Variants in SREBF2 observed in about 807,000 individuals in gnomAD.
The protein encoded by SREBF2 is sterol regulatory element-binding protein 2.
Under a neutral mutation model 113.1 loss-of-function variants are expected in SREBF2, and 55 were observed. The ratio of observed to expected loss-of-function variants is 0.49; its 90% CI spans 0.39 to 0.61. The LOEUF is 0.61. Among genes scored for constraint, SREBF2 ranks in the 20% least tolerant of loss-of-function variants. SREBF2 has a pLI of 0.00. For missense variants in SREBF2, 1,349 were observed against 1,487.4 expected (o/e 0.91, Z 1.53); for synonymous variants, 593 against 605.7 (o/e 0.98, Z 0.31).
intron 12 of SREBF2, among the ~76,000 whole-genome samples, 162 bp from the exon 13 acceptor site, chr22:41,894,658 C>G (rs2077395749): frequency 6.6e-6 from 1 of 152,202 alleles, no homozygotes; most frequent in Non-Finnish European, 1.5e-5. Flanking sequence ...ACACTCTCCC[C>G]CATCCTCCAA....
At chr22:41,899,153 G>C in intron 15 of SREBF2, 1 of 1,055,274 alleles carries the variant, frequency 9.5e-7, no homozygotes, top group Non-Finnish European at 1.2e-6. Flanking sequence ...AATCAGTGCA[G>C]AGAGGCCACT....
intron 11 of SREBF2, among the ~76,000 whole-genome samples, chr22:41,892,404 C>T (rs557651278): frequency 8.4e-4 from 128 of 152,280 alleles, no homozygotes; most frequent in African/African-American, 2.9e-3. Context: ...AATCCCAGCA[C>T]TTTGGGAGGC....
chr22:41,891,752 T>G (rs1421567560), intron 11 of SREBF2, among the ~76,000 whole-genome samples: 1 of 152,192 alleles, frequency 6.6e-6, no homozygotes, highest in Non-Finnish European at 1.5e-5. Context: ...CTGGGCTCCC[T>G]GGGCTTTCTA....
intron 17 of SREBF2, 169 bp from the exon 18 acceptor site, chr22:41,904,694 A>G: frequency 1.4e-6 from 1 of 718,378 alleles, no homozygotes; most frequent in Non-Finnish European, 2.6e-6. Flanking sequence ...TGCCTGGCTC[A>G]GGGTCAGAGT....
chr22:41,873,167 A>G (rs1308363172), intron 4 of SREBF2, among the ~76,000 whole-genome samples: 1 of 152,192 alleles, frequency 6.6e-6, no homozygotes, highest in Non-Finnish European at 1.5e-5. Flanking sequence ...ATTGCATTCC[A>G]GCCTGGGCAA....
At position 41,905,769 on chromosome 22, in the gene SREBF2, C is replaced by A; in HGVS notation, c.*109C>A. The A allele has an allele frequency of 7.8e-7, 1 of 1,284,658 alleles. No homozygotes were observed. Among genetic ancestry groups the A allele is most frequent in the Non-Finnish European group, 1.1e-6 (1 of 905,878 alleles). 79.6% of individuals were successfully genotyped at this position (1,284,658 alleles called of 1,614,324 possible). The stretch of plus-strand genomic sequence containing the variant: ...AGAGCCTTGTCTTCTTAGCTGTCAC[C>A]TGCCGAGGCTTCTGGGCCACTCAGG... On this transcript the variant is annotated 3_prime_UTR_variant, in exon 19 of 19. Coordinates refer to ENST00000361204, the MANE Select transcript of SREBF2 (RefSeq NM_004599.4).
chr22:41,895,465 C>T (rs1348167889), intron 13 of SREBF2, among the ~76,000 whole-genome samples: 5 of 101,810 alleles, frequency 4.9e-5, no homozygotes, highest in African/African-American at 8.0e-5. Flanking sequence ...GATGGAGTTT[C>T]GCTCTTGTTG....
At chr22:41,839,262 G>A (rs2076805995) in intron 1 of SREBF2, among the ~76,000 whole-genome samples, 1 of 152,146 alleles carries the variant, frequency 6.6e-6, no homozygotes, top group African/African-American at 2.4e-5. Flanking sequence ...GCTGAAATTG[G>A]GGTGCCTGGG....
At chr22:41,848,946 A>G (rs964462364) in intron 1 of SREBF2, among the ~76,000 whole-genome samples, 3 of 152,296 alleles carry the variant, frequency 2.0e-5, no homozygotes, top group African/African-American at 7.2e-5. Context: ...CAGTGTGTGA[A>G]AGTAGAAGTG....
chr22:41,846,873 A>G (rs917920938), intron 1 of SREBF2, among the ~76,000 whole-genome samples: 1 of 151,978 alleles, frequency 6.6e-6, no homozygotes, highest in African/African-American at 2.4e-5. Context: ...CCCTTGTCGC[A>G]GTTTATGGAG....
At position 41,833,266 on chromosome 22, in the gene SREBF2, G is replaced by T; in HGVS notation, c.-5G>T. The T allele has an allele frequency of 1.3e-6, 2 of 1,526,132 alleles. No individual in the cohort carries two copies. The highest frequency in any genetic ancestry group is 1.8e-6 in the Non-Finnish European group (2 of 1,136,850). The allele number at this position is 1,526,132 out of a possible 1,614,324, so 94.5% of individuals were successfully genotyped here. On this transcript the variant is annotated 5_prime_UTR_variant, in exon 1 of 19. Transcript: ENST00000361204. The surrounding 1 kb of genome is among the most constrained non-coding windows in gnomAD (Gnocchi z 4.1). ...GCAGGGGGGGCTTCTGCGCTGAGCC[G>T]GGCGATGGACGACAGCGGCGAGCTG... is the stretch of plus-strand genomic sequence containing the variant.
chr22:41,875,057 T>C (rs1222603024), intron 5 of SREBF2, among the ~76,000 whole-genome samples: 1 of 152,260 alleles, frequency 6.6e-6, no homozygotes, highest in East Asian at 1.9e-4. Context: ...TTTGCCAGGC[T>C]CAGGGCTAAG....
At position 41,906,175 on chromosome 22, in the gene SREBF2, C is replaced by A; in HGVS notation, c.*515C>A. 1 of 363,982 alleles carries A rather than the reference C, an allele frequency of 2.7e-6. No individual in the cohort carries two copies. Among genetic ancestry groups the A allele is most frequent in the Non-Finnish European group, 5.4e-6 (1 of 184,508 alleles). 22.5% of individuals were successfully genotyped at this position (363,982 alleles called of 1,614,324 possible). On this transcript the variant is annotated 3_prime_UTR_variant, in exon 19 of 19. Transcript: ENST00000361204. ...AGTTGCTGTAGCGTCTTGATTCTCTCCCTGGGTCTGCGTTCCCTCCCCTGG... is the reference window on the plus strand; with the variant it reads ...AGTTGCTGTAGCGTCTTGATTCTCTACCTGGGTCTGCGTTCCCTCCCCTGG...
chr22:41,867,227 C>T lies in SREBF2; in HGVS notation c.485C>T (p.Thr162Met), dbSNP rs1462845963. Residue 162 changes from threonine (T) to methionine (M), a missense_variant, in exon 2 of 19, where the codon ACG becomes ATG. Around this residue, in one of 2 missense-constraint regions of SREBF2, gnomAD observed 699 missense variants for 843.3 expected, o/e 0.83. Coordinates refer to ENST00000361204, the MANE Select transcript of SREBF2 (RefSeq NM_004599.4). ...CCAACATTCAGCACCACTCCGCAGA[C>T]GAGGATCATCCAGCAGCCTTTGATA... The part of the protein sequence containing the change: ...ITPTFSTTPQ[T>M]RIIQQPLIYQ... 2 of 1,614,072 alleles carry T rather than the reference C, an allele frequency of 1.2e-6. No homozygotes were observed. The highest frequency in any genetic ancestry group is 1.7e-6 in the Non-Finnish European group (2 of 1,180,052).
intron 10 of SREBF2, among the ~76,000 whole-genome samples, chr22:41,881,873 A>C (rs1213383807): frequency 6.6e-6 from 1 of 152,078 alleles, no homozygotes; most frequent in Non-Finnish European, 1.5e-5. Flanking sequence ...GGAGTTCGAG[A>C]CCAGCCTGGA....
chr22:41,853,374 A>C (rs1487571344), intron 1 of SREBF2, among the ~76,000 whole-genome samples: 1 of 152,130 alleles, frequency 6.6e-6, no homozygotes, highest in African/African-American at 2.4e-5. Context: ...TGTACTTTGC[A>C]TCCTGATCAG....
intron 4 of SREBF2, among the ~76,000 whole-genome samples, chr22:41,872,077 C>G (rs1429006608): frequency 6.6e-6 from 1 of 151,730 alleles, no homozygotes; most frequent in Non-Finnish European, 1.5e-5. Flanking sequence ...GGTGAAACCC[C>G]GTCTCTGCTA....
chr22:41,871,302 A>G (rs891323348), intron 4 of SREBF2, among the ~76,000 whole-genome samples: 5 of 152,160 alleles, frequency 3.3e-5, no homozygotes, highest in Non-Finnish European at 7.3e-5. Context: ...AGCTCCACAC[A>G]AGACCATTCA....
intron 7 of SREBF2, 85 bp from the exon 8 acceptor site, chr22:41,877,144 A>G: frequency 7.4e-7 from 1 of 1,360,356 alleles, no homozygotes; most frequent in Non-Finnish European, 1.0e-6. Flanking sequence ...CCTCATAACC[A>G]TTTCTCAATA....
Sources: allele counts gnomAD v4.1 joint callset (sites outside exome capture counted in the v4.1 genomes callset), GRCh38; gene constraint gnomAD v4.1.1; regional missense constraint gnomAD v4.1.1; non-coding constraint Gnocchi (gnomAD v3.1); transcripts MANE v1.5; gene names NCBI Gene and HGNC (gene_info 2026-07-23, HGNC 2026-07-21).